PPP3CB: variants seen among roughly 807,000 people sequenced by gnomAD.
The protein encoded by PPP3CB is serine/threonine-protein phosphatase 2B catalytic subunit beta isoform.
In PPP3CB, 8 loss-of-function variants were observed where a neutral mutation model predicts 66.4. The observed-to-expected ratio is 0.12, with a 90% CI of 0.07 to 0.22. The LOEUF is 0.22. PPP3CB is among the 10% of genes least tolerant of loss of function. PPP3CB has a pLI of 1.00. For synonymous variants in PPP3CB, 208 were observed against 221.2 expected, an observed-to-expected ratio of 0.94 and a Z score of 0.53; for missense variants, 319 against 642.5, an observed-to-expected ratio of 0.50 and a Z score of 5.44.
chr10:73,467,810 T>A (rs147664082), intron 8 of PPP3CB, 132 bp from the exon 9 acceptor site: 1 of 783,828 alleles, frequency 1.3e-6, no homozygotes, highest in Non-Finnish European at 1.9e-6. Flanking sequence ...GAATCAGGGC[T>A]GGTAGAGGGA....
chr10:73,449,440 G>A (rs1488118721), intron 10 of PPP3CB, among the ~76,000 whole-genome samples: 3 of 152,098 alleles, frequency 2.0e-5, no homozygotes, highest in East Asian at 1.9e-4. Flanking sequence ...AGGCAGCTGG[G>A]GTGGTTTCAT....
intron 4 of PPP3CB, among the ~76,000 whole-genome samples, chr10:73,472,774 C>T (rs1298226947): frequency 2.0e-5 from 3 of 152,120 alleles, no homozygotes; most frequent in African/African-American, 7.2e-5. Flanking sequence ...ACAATGAATA[C>T]TTTAAAATGG....
At chr10:73,484,726 T>A (rs1178279391) in intron 1 of PPP3CB, among the ~76,000 whole-genome samples, 6 of 152,016 alleles carry the variant, frequency 3.9e-5, no homozygotes, top group Non-Finnish European at 1.5e-5. Context: ...ACAACTGAAA[T>A]GGCTAATAAT....
At chr10:73,470,181 G>T (rs1468605837) in intron 8 of PPP3CB, among the ~76,000 whole-genome samples, 1 of 150,830 alleles carries the variant, frequency 6.6e-6, no homozygotes, top group African/African-American at 2.4e-5. Flanking sequence ...AGATGAAACT[G>T]AATTAATTAA....
intron 9 of PPP3CB, among the ~76,000 whole-genome samples, chr10:73,457,730 C>A: frequency 1.4e-5 from 2 of 144,634 alleles, no homozygotes; most frequent in African/African-American, 2.6e-5. Context: ...ACAGCAAGAC[C>A]CTGTCTCAAA....
Position 73,444,774 on chromosome 10 carries a change from C to T in PPP3CB, c.1317G>A (p.Gly439=), listed in dbSNP as rs1303987655. ...CAGCTAACACTCCACTAGGCAACATCCCTGTGGGAGTCAGGCCCTTGAGTG... is the reference window on the plus strand; with the variant it reads ...CAGCTAACACTCCACTAGGCAACATTCCTGTGGGAGTCAGGCCCTTGAGTG... ...VLTLKGLTPT[G]MLPSGVLAGG... The change falls in exon 12 of 14, where the codon GGG becomes GGA. Residue 439 remains glycine, a synonymous_variant. Coordinates refer to ENST00000360663, the MANE Select transcript of PPP3CB (RefSeq NM_021132.4). 2.5e-6 allele frequency: 4 copies of T among 1,613,968 alleles called. No homozygotes were observed. The South Asian group carries it at 4.4e-5, about 18-fold the overall frequency.
chr10:73,438,557 C>T (rs1293121522), intron 13 of PPP3CB, 137 bp from the exon 14 acceptor site: 4 of 716,304 alleles, frequency 5.6e-6, no homozygotes, highest in Non-Finnish European at 9.3e-6. Flanking sequence ...TAACTGAATC[C>T]TATCCTCATT....
chr10:73,477,243 T>A (rs566242479), intron 3 of PPP3CB: 4 of 515,940 alleles, frequency 7.8e-6, no homozygotes, highest in African/African-American at 5.8e-5. Context: ...AACACAGGTA[T>A]CTATTGGTAG....
chr10:73,495,559 C>A, intron 1 of PPP3CB: 1 of 364,508 alleles, frequency 2.7e-6, no homozygotes, highest in East Asian at 6.6e-5. Context: ...CAGCCTCACC[C>A]CTTGGGCTAG....
At position 73,471,201 on chromosome 10, in the gene PPP3CB, T is replaced by C; in HGVS notation, c.678A>G (p.Arg226=). The C allele has an allele frequency of 6.3e-7, 1 of 1,598,556 alleles. No individual in the cohort carries two copies. The highest frequency in any genetic ancestry group is 8.6e-7 in the Non-Finnish European group (1 of 1,168,854). ...GTCCAAATGCAGGTGGCTCTTTGAATCTATCTAACTGTGAAAGAAAGAAAA... is the reference window on the plus strand; with the variant it reads ...GTCCAAATGCAGGTGGCTCTTTGAACCTATCTAACTGTGAAAGAAAGAAAA... The part of the protein sequence containing the change: ...HTLDDIRRLD[R]FKEPPAFGPM... The change falls in exon 6 of 14, where the codon AGA becomes AGG. Residue 226 remains arginine (R), a synonymous_variant. Transcript: ENST00000360663.
intron 1 of PPP3CB, among the ~76,000 whole-genome samples, chr10:73,480,463 G>C (rs1162384377): frequency 1.3e-4 from 6 of 47,446 alleles, no homozygotes; most frequent in African/African-American, 4.8e-4. Context: ...TTTTTTTTTT[G>C]AGATGGAGTC....
At chr10:73,457,313 T>C (rs2056444558) in intron 9 of PPP3CB, among the ~76,000 whole-genome samples, 1 of 140,758 alleles carries the variant, frequency 7.1e-6, no homozygotes, top group South Asian at 2.3e-4. Context: ...AGGACATGCC[T>C]GTAGTCCTAC....
intron 10 of PPP3CB, among the ~76,000 whole-genome samples, chr10:73,450,888 T>C (rs2056333867): frequency 1.3e-5 from 2 of 152,046 alleles, no homozygotes; most frequent in Non-Finnish European, 1.5e-5. Context: ...TCTTTAATGA[T>C]CAAATTCAAT....
intron 9 of PPP3CB, among the ~76,000 whole-genome samples, chr10:73,461,790 G>A (rs1321013740): frequency 1.3e-5 from 2 of 152,176 alleles, no homozygotes; most frequent in African/African-American, 2.4e-5. Context: ...GAATGATATA[G>A]TTTGGATGTT....
chr10:73,465,916 T>G (rs539067020), intron 9 of PPP3CB, among the ~76,000 whole-genome samples: 1 of 152,316 alleles, frequency 6.6e-6, no homozygotes, highest in Non-Finnish European at 1.5e-5. Flanking sequence ...CTTTACATTT[T>G]TAGAGAGATG....
At chr10:73,487,084 T>G (rs1446150044) in intron 1 of PPP3CB, among the ~76,000 whole-genome samples, 1 of 152,164 alleles carries the variant, frequency 6.6e-6, no homozygotes, top group Non-Finnish European at 1.5e-5. Flanking sequence ...GCACGAGAAT[T>G]GCTTGAACCT....
chr10:73,455,632 G>A (rs1231094807), intron 9 of PPP3CB, among the ~76,000 whole-genome samples: 4 of 152,044 alleles, frequency 2.6e-5, no homozygotes, highest in African/African-American at 7.2e-5. Context: ...GCAGTGGCGC[G>A]ATCTCGGCTC....
At position 73,478,535 on chromosome 10, in the gene PPP3CB, A is replaced by C. The variant is rs1170019238; in HGVS notation, c.375T>G (p.Leu125=). 4 of 1,610,170 alleles carry C rather than the reference A, an allele frequency of 2.5e-6. No homozygotes were observed. Among genetic ancestry groups the C allele is most frequent in the Admixed American group, 1.7e-5 (1 of 59,980 alleles). ...GSPANTRYLF[L]GDYVDRGYFS... The stretch of plus-strand genomic sequence containing the variant: ...AATAACCTCTGTCCACATAATCGCC[A>C]AGAAAAAGGTATCGTGTATTAGCAG... Residue 125 remains leucine (L), a synonymous_variant, in exon 3 of 14, where the codon CTT becomes CTG. Transcript: ENST00000360663.
chr10:73,462,140 CTT>C (rs1019088638), intron 9 of PPP3CB, among the ~76,000 whole-genome samples: 2,642 of 93,892 alleles, frequency 0.028, 39 homozygotes, highest in Non-Finnish European at 0.048. Context: ...TAAACTCCTT[CTT>C]TTTTTTTTTT....
Sources: gnomAD v4.1 joint callset for allele counts (sites outside exome capture counted in the v4.1 genomes callset) on GRCh38, gnomAD v4.1.1 for gene constraint, MANE v1.5 for transcripts, NCBI Gene and HGNC (gene_info 2026-07-23, HGNC 2026-07-21) for gene names.